SYBU: variants seen among roughly 807,000 people sequenced by gnomAD.
SYBU encodes the protein GOLSYN A protein.
A neutral mutation model predicts 35.9 loss-of-function variants in SYBU; 21 were observed. The ratio of observed to expected loss-of-function variants is 0.58; its 90% CI spans 0.41 to 0.84. The LOEUF is 0.84. Among genes scored for constraint, SYBU ranks in the 40% least tolerant of loss-of-function variants. SYBU has a pLI of 0.00. For missense variants in SYBU, 768 were observed against 848.2 expected, an observed-to-expected ratio of 0.91 and a Z score of 1.17; for synonymous variants, 319 against 324.3, an observed-to-expected ratio of 0.98 and a Z score of 0.18.
chr8:109,644,231 C>G (rs185499860), intron 1 of SYBU: 34 of 479,066 alleles, frequency 7.1e-5, no homozygotes, highest in Admixed American at 4.6e-4. Context: ...AGGTACCATG[C>G]GCCAGCCACT....
upstream of SYBU, chr8:109,645,636 T>G (rs943233302): frequency 1.7e-4 from 48 of 278,598 alleles, no homozygotes; most frequent in South Asian, 1.6e-3. Context: ...GTTTTTTGTT[T>G]TTTTTTTTTT....
intron 3 of SYBU, among the ~76,000 whole-genome samples, chr8:109,590,986 G>C (rs774853593): frequency 1.3e-5 from 2 of 152,190 alleles, no homozygotes; most frequent in Non-Finnish European, 2.9e-5. Context: ...GTTAGTAAGA[G>C]TGTGAATTAT....
intron 1 of SYBU, among the ~76,000 whole-genome samples, chr8:109,656,233 G>C (rs1444297851): frequency 1.6e-4 from 24 of 152,166 alleles, no homozygotes; most frequent in Admixed American, 1.6e-3. Context: ...AATATACTTT[G>C]AGAGTAGCCA....
At chr8:109,599,352 A>T (rs1211744704) in intron 3 of SYBU, among the ~76,000 whole-genome samples, 3 of 152,212 alleles carry the variant, frequency 2.0e-5, no homozygotes, top group Non-Finnish European at 2.9e-5. Context: ...CATCAAATAG[A>T]TAGGGTTTTT....
intron 3 of SYBU, among the ~76,000 whole-genome samples, chr8:109,607,259 T>C (rs765962135): frequency 6.6e-6 from 1 of 152,234 alleles, no homozygotes; most frequent in Admixed American, 6.5e-5. Flanking sequence ...AAAATAAAAA[T>C]GTTCCACATC....
At chr8:109,684,232 G>A (rs1418288876), upstream of SYBU, among the ~76,000 whole-genome samples, 1 of 152,176 alleles carries the variant, frequency 6.6e-6, no homozygotes, top group Non-Finnish European at 1.5e-5. Context: ...TTTCTAGCTG[G>A]ATGTCCAGAT....
At position 109,644,779 on chromosome 8, in the gene SYBU, T is replaced by A; in HGVS notation, c.-120A>T. On this transcript the variant is annotated 5_prime_UTR_variant, in exon 1 of 7. Transcript: ENST00000276646. ...GCGGGCTGCGGGCGGCGGCTCTTGG[T>A]GAGGCTCCAACGCGCCGCCGCCGCC... 9.7e-7 allele frequency: 1 copy of A among 1,032,576 alleles called. No individual in the cohort carries two copies. The highest frequency in any genetic ancestry group is 1.3e-6 in the Non-Finnish European group (1 of 780,266). 64.0% of individuals were successfully genotyped at this position (1,032,576 alleles called of 1,614,324 possible).
upstream of SYBU, among the ~76,000 whole-genome samples, chr8:109,681,577 A>C (rs572714868): frequency 6.6e-6 from 1 of 152,324 alleles, no homozygotes; most frequent in African/African-American, 2.4e-5. Context: ...GGTCTTTAAA[A>C]ATGATGAAGT....
chr8:109,672,750 G>A (rs775734626), intron 1 of SYBU, among the ~76,000 whole-genome samples: 10 of 152,326 alleles, frequency 6.6e-5, no homozygotes, highest in East Asian at 3.9e-4. Context: ...AGATCCCACC[G>A]CCACAGAGCC....
At chr8:109,578,163 G>T in intron 5 of SYBU, 146 bp from the exon 6 acceptor site, 1 of 905,680 alleles carries the variant, frequency 1.1e-6, no homozygotes, top group Non-Finnish European at 1.6e-6. Flanking sequence ...ACGGTATTAG[G>T]TGGTGACGAC....
intron 5 of SYBU, among the ~76,000 whole-genome samples, chr8:109,579,035 T>C (rs1447887871): frequency 2.0e-5 from 3 of 152,118 alleles, no homozygotes; most frequent in Non-Finnish European, 4.4e-5. Flanking sequence ...GAATCCCTGC[T>C]GTAAGAGAGC....
Position 109,663,292 on chromosome 8 carries a change from GATA to G in SYBU, c.-129+17416_-129+17418del, listed in dbSNP as rs1563771251. Among the ~76,000 whole-genome samples the G allele has an allele frequency of 2.4e-4, 37 of 151,652 alleles. No homozygotes were observed. The East Asian group carries it at 6.4e-3, about 26-fold the overall frequency. On this transcript the variant is annotated intron_variant, in intron 1 of 5. Transcript: ENST00000408889. ...AGATAGATAGATAGATAGATAGATA[GATA>G]GATAGGTAGATAGATACCAATAGAA...
At chr8:109,596,554 G>A (rs1311118460) in intron 3 of SYBU, among the ~76,000 whole-genome samples, 1 of 152,130 alleles carries the variant, frequency 6.6e-6, no homozygotes, top group Non-Finnish European at 1.5e-5. Context: ...AGAATTTGAG[G>A]ATTTTTGTTT....
chr8:109,681,960 T>A (rs998347499), upstream of SYBU, among the ~76,000 whole-genome samples: 3 of 152,208 alleles, frequency 2.0e-5, no homozygotes, highest in African/African-American at 7.2e-5. Context: ...CACTTCTTAC[T>A]GCTGCTACGT....
At chr8:109,603,291 TC>T in intron 3 of SYBU, 1 of 540,298 alleles carries the variant, frequency 1.9e-6, no homozygotes, top group Non-Finnish European at 2.4e-6. Flanking sequence ...CACTCATCCT[TC>T]CAAAAACATT....
At chr8:109,607,808 T>TCACACACACACA (rs71305960) in intron 3 of SYBU, 7,748 of 376,460 alleles carry the variant, frequency 0.021, 175 homozygotes, top group African/African-American at 0.028. Flanking sequence ...CACAACTAAC[T>TCACACACACACA]CACACACACA....
chr8:109,631,861 C>G (rs1813661927), intron 2 of SYBU, among the ~76,000 whole-genome samples: 1 of 151,884 alleles, frequency 6.6e-6, no homozygotes, highest in Non-Finnish European at 1.5e-5. Flanking sequence ...ACAAATCTTT[C>G]TGACCTTCCC....
chr8:109,601,616 G>C (rs985251509), intron 3 of SYBU, among the ~76,000 whole-genome samples: 2 of 152,110 alleles, frequency 1.3e-5, no homozygotes, highest in African/African-American at 4.8e-5. Flanking sequence ...GAGGGCAGGG[G>C]AATATGTCAT....
chr8:109,653,090 T>G (rs1431423514), intron 1 of SYBU, among the ~76,000 whole-genome samples: 2 of 152,192 alleles, frequency 1.3e-5, no homozygotes, highest in Non-Finnish European at 2.9e-5. Flanking sequence ...AACTATGTAA[T>G]TCCATTTTAG....
Sources: allele counts gnomAD v4.1 joint callset (sites outside exome capture counted in the v4.1 genomes callset), GRCh38; gene constraint gnomAD v4.1.1; transcripts MANE v1.5; gene names NCBI Gene and HGNC (gene_info 2026-07-23, HGNC 2026-07-21).